Variants in ST7 observed in about 807,000 individuals in gnomAD.
ST7 encodes the protein suppression of tumorigenicity 7.
Under a neutral mutation model 78.7 loss-of-function variants are expected in ST7, and 28 were observed. The observed-to-expected ratio is 0.36, with a 90% confidence interval of 0.26 to 0.49. The LOEUF (loss-of-function observed/expected upper bound fraction) is 0.49, where lower values mean the gene tolerates loss of function less well. Ranked by LOEUF, ST7 falls within the 20% of genes least tolerant of loss-of-function variation. The probability of loss-of-function intolerance (pLI) is 0.99; values close to 1 mark genes in which losing one functional copy is unlikely to be tolerated. For synonymous variants in ST7, 247 were observed against 249.6 expected, an observed-to-expected ratio of 0.99 and a Z score of 0.10; for missense variants, 418 against 696.0, an observed-to-expected ratio of 0.60 and a Z score of 4.49.
chr7:117,158,835 C>G (rs116718647), intron 9 of ST7, among the ~76,000 whole-genome samples: 1,802 of 152,244 alleles, frequency 0.012, 52 homozygotes, highest in African/African-American at 0.041. Flanking sequence ...TTTCTATTTT[C>G]TATTTATGCC....
intron 1 of ST7, among the ~76,000 whole-genome samples, chr7:117,032,899 A>G (rs766341236): frequency 3.2e-4 from 49 of 152,316 alleles, no homozygotes; most frequent in Non-Finnish European, 6.6e-4. Flanking sequence ...AGTTCCAGGC[A>G]GGCCTACTCT....
At chr7:116,953,752 A>T (rs1478927153) in intron 1 of ST7, 61 bp downstream of exon 1, 4 of 1,241,024 alleles carry the variant, frequency 3.2e-6, no homozygotes, top group South Asian at 2.1e-5. Flanking sequence ...AAGTTAGTGC[A>T]ACTCGCGCGG....
intron 1 of ST7, among the ~76,000 whole-genome samples, chr7:117,089,099 T>C (rs1182008626): frequency 2.6e-5 from 4 of 152,258 alleles, no homozygotes; most frequent in African/African-American, 4.8e-5. Flanking sequence ...CATTCCTTTA[T>C]GCACACTCTG....
intron 14 of ST7, among the ~76,000 whole-genome samples, chr7:117,221,615 GA>G (rs148952298): frequency 1.3e-5 from 2 of 152,046 alleles, no homozygotes; most frequent in Middle Eastern, 3.4e-3. Context: ...TTGCTTTTGA[GA>G]AAAAAATACT....
intron 1 of ST7, among the ~76,000 whole-genome samples, chr7:117,064,577 A>G (rs1798532972): frequency 6.6e-6 from 1 of 152,214 alleles, no homozygotes; most frequent in South Asian, 2.1e-4. Flanking sequence ...ACTTCAGTCA[A>G]ATTTTAATGC....
chr7:117,139,780 A>G (rs900504831), intron 9 of ST7, among the ~76,000 whole-genome samples: 1 of 152,222 alleles, frequency 6.6e-6, no homozygotes, highest in Non-Finnish European at 1.5e-5. Flanking sequence ...AGAATGTTAT[A>G]TGGTATAAGT....
At chr7:116,960,856 A>G (rs982353683) in intron 1 of ST7, among the ~76,000 whole-genome samples, 1 of 152,006 alleles carries the variant, frequency 6.6e-6, no homozygotes, top group African/African-American at 2.4e-5. Context: ...CTTTTATTGT[A>G]GTTGCTTTTG....
At chr7:117,090,656 T>A in intron 1 of ST7, 1 of 165,490 alleles carries the variant, frequency 6.0e-6, no homozygotes, top group Non-Finnish European at 1.5e-5. Context: ...CAGACAAACT[T>A]GTAAAATAGT....
chr7:117,067,046 C>G (rs368240780), intron 1 of ST7, among the ~76,000 whole-genome samples: 23 of 152,182 alleles, frequency 1.5e-4, no homozygotes, highest in East Asian at 9.7e-4. Context: ...CTAATGTTTT[C>G]AAGGTCCATC....
At chr7:117,097,906 A>AT (rs1353568782) in intron 1 of ST7, among the ~76,000 whole-genome samples, 1 of 30,952 alleles carries the variant, frequency 3.2e-5, no homozygotes, top group South Asian at 1.4e-3. Context: ...ATATATATAT[A>AT]TATTTTTTTT....
chr7:117,018,391 C>T (rs1165542993), intron 1 of ST7, among the ~76,000 whole-genome samples: 3 of 152,052 alleles, frequency 2.0e-5, no homozygotes, highest in Admixed American at 6.5e-5. Flanking sequence ...CCTTGGTTGT[C>T]GATGTGACTG....
intron 1 of ST7, among the ~76,000 whole-genome samples, chr7:117,064,337 A>C (rs1376380552): frequency 6.6e-6 from 1 of 152,212 alleles, no homozygotes; most frequent in Non-Finnish European, 1.5e-5. Flanking sequence ...TGAAATATCA[A>C]GGTAATTAAA....
Position 117,221,947 on chromosome 7 carries a change from C to G in ST7, c.1523C>G (p.Pro508Arg). The change falls in exon 15 of 16, where the codon CCA becomes CGA. Residue 508 changes from proline (P) to arginine (R), a missense_variant. Physicochemically the swap from Pro to Arg is moderately radical, Grantham distance 103. Coordinates refer to ENST00000323984, the MANE Select transcript of ST7 (RefSeq NM_001369598.1). ...GCTTTCCATGAAGTCTCAGTTTACC[C>G]AAAGAAGGAGCTTCCCTTCTTTATT... ...LPSFHEVSVY[P>R]KKELPFFILF... The G allele has an allele frequency of 6.2e-7, 1 of 1,611,798 alleles. No homozygotes were observed. Among genetic ancestry groups the G allele is most frequent in the South Asian group, 1.1e-5 (1 of 90,644 alleles).
At chr7:117,198,887 C>G (rs1810552210) in intron 12 of ST7, among the ~76,000 whole-genome samples, 1 of 152,070 alleles carries the variant, frequency 6.6e-6, no homozygotes, top group Admixed American at 6.5e-5. Flanking sequence ...ACTCATATTT[C>G]CCTGTCTGAG....
intron 1 of ST7, among the ~76,000 whole-genome samples, chr7:117,013,330 C>G (rs1158409586): frequency 6.6e-6 from 1 of 152,130 alleles, no homozygotes; most frequent in African/African-American, 2.4e-5. Flanking sequence ...TGGAAGGCTT[C>G]CCAATCTGTA....
chr7:117,190,793 A>G lies in ST7; in HGVS notation c.1152-41A>G. The G allele has an allele frequency of 7.1e-6, 11 of 1,547,212 alleles. No individual in the cohort carries two copies. The highest frequency in any genetic ancestry group is 9.8e-6 in the Non-Finnish European group (11 of 1,120,242). ...GATGCTTCCGGGTTGATGCCCAAGC[A>G]GTGGTCCCACCTGGATGGTTTTTGT... is the stretch of plus-strand genomic sequence containing the variant. On this transcript the variant is annotated intron_variant, in intron 11 of 15. Transcript: ENST00000323984. This position sits in a 1 kb window ranked among gnomAD's most constrained non-coding sequence, Gnocchi z 5.2.
intron 1 of ST7, among the ~76,000 whole-genome samples, chr7:116,977,761 T>C (rs10279624): frequency 0.98 from 149,827 of 152,304 alleles, 73,749 homozygotes; most frequent in East Asian, 1. Flanking sequence ...ACCATGTTGG[T>C]CAGGATGGTC....
intron 1 of ST7, among the ~76,000 whole-genome samples, chr7:116,992,821 C>T (rs1794488044): frequency 6.6e-6 from 1 of 152,220 alleles, no homozygotes; most frequent in South Asian, 2.1e-4. Context: ...ACCCAAGTCA[C>T]CCTTGAATGC....
At chr7:116,975,345 A>G (rs1305729237) in intron 1 of ST7, among the ~76,000 whole-genome samples, 4 of 152,334 alleles carry the variant, frequency 2.6e-5, no homozygotes, top group Admixed American at 6.5e-5. Flanking sequence ...GGGAGCTACA[A>G]TTAAAGATGA....
Sources: gnomAD v4.1 joint callset for allele counts (sites outside exome capture counted in the v4.1 genomes callset) on GRCh38, gnomAD v4.1.1 for gene constraint, Gnocchi (gnomAD v3.1) non-coding constraint, MANE v1.5 for transcripts, NCBI Gene and HGNC (gene_info 2026-07-23, HGNC 2026-07-21) for gene names.